The following LIG1 variants were observed in gnomAD, a reference collection of about 807,000 sequenced individuals.
LIG1 encodes DNA ligase 1.
Under a neutral mutation model 115.7 loss-of-function variants are expected in LIG1, and 70 were observed. The observed-to-expected ratio is 0.60, with a 90% CI of 0.50 to 0.74. LIG1 has a LOEUF of 0.74. Ranked by LOEUF, LIG1 falls within the 30% of genes least tolerant of loss-of-function variation. The pLI is 0.00. For synonymous variants in LIG1, 487 were observed against 495.3 expected, an observed-to-expected ratio of 0.98 and a Z score of 0.22; for missense variants, 1,115 against 1,225.6, an observed-to-expected ratio of 0.91 and a Z score of 1.35.
rs541963020 is a variant in LIG1 at position 48,122,715 on chromosome 19, G to A, written c.2232+219C>T. 2.0e-5 allele frequency among the ~76,000 whole-genome samples: 3 copies of A among 152,282 alleles called. No homozygotes were observed. The highest frequency in any genetic ancestry group is 1.9e-4 in the East Asian group (1 of 5,172). ...TCACGCTGCACCTCGTGGGATGTGC[G>A]GTGCTTGGGCTGGGGCTGTTCTCCA... On this transcript the variant is annotated intron_variant, in intron 23 of 27. Coordinates refer to ENST00000263274, the MANE Select transcript of LIG1 (RefSeq NM_000234.3). The surrounding 1 kb of genome is among the most constrained non-coding windows in gnomAD (Gnocchi z 4.3).
At chr19:48,125,037 G>A (rs1379971960) in intron 21 of LIG1, among the ~76,000 whole-genome samples, 1 of 151,350 alleles carries the variant, frequency 6.6e-6, no homozygotes, top group Non-Finnish European at 1.5e-5. Flanking sequence ...TCATGGGGAT[G>A]AGGACACATT....
At chr19:48,167,900 G>A (rs2036568902) in intron 1 of LIG1, among the ~76,000 whole-genome samples, 1 of 151,178 alleles carries the variant, frequency 6.6e-6, no homozygotes, top group African/African-American at 2.4e-5. Flanking sequence ...CTCAGGGCCA[G>A]TTGGGGAGCA....
In LIG1 at chr19:48,150,226, T is replaced by G; in HGVS notation, c.575-16A>C. On this transcript the variant is annotated splice_polypyrimidine_tract_variant and intron_variant, in intron 7 of 27. Transcript: ENST00000263274. ...GTCTCTGCTTCTGCGGTGAGAGAGC[T>G]CAGACGGTGATGCAAACTCTTTGAC... is the stretch of plus-strand genomic sequence containing the variant. 1 of 1,614,080 alleles carries G rather than the reference T, an allele frequency of 6.2e-7. No individual in the cohort carries two copies. Among genetic ancestry groups the G allele is most frequent in the African/African-American group, 1.3e-5 (1 of 75,034 alleles).
intron 27 of LIG1, 23 bp downstream of exon 27, chr19:48,115,850 A>G: frequency 6.2e-6 from 10 of 1,606,156 alleles, no homozygotes; most frequent in Non-Finnish European, 8.5e-6. Flanking sequence ...TGGGCGGCCC[A>G]CCCCTGCTTC....
chr19:48,165,493 A>AGAAAGAAACAGAGGACTTGGAGAAG, intron 2 of LIG1, 57 bp downstream of exon 2: 1 of 1,286,414 alleles, frequency 7.8e-7, no homozygotes, highest in Non-Finnish European at 1.1e-6. Context: ...ACAGATTTAG[A>AGAAAGAAACAGAGGACTTGGAGAAG]GAAAGAAACA....
chr19:48,139,593 C>A (rs948665961), intron 12 of LIG1, among the ~76,000 whole-genome samples: 1 of 152,190 alleles, frequency 6.6e-6, no homozygotes, highest in African/African-American at 2.4e-5. Flanking sequence ...TGGCCCCCCA[C>A]ACACCATGTT....
rs368455019 is a variant in LIG1 at position 48,122,925 on chromosome 19, G to A, written c.2232+9C>T. 27 of 1,613,304 alleles carry A rather than the reference G, an allele frequency of 1.7e-5. No individual in the cohort carries two copies. The East Asian group carries it at 2.2e-4, about 13-fold the overall frequency. On this transcript the variant is annotated intron_variant, in intron 23 of 27. Transcript: ENST00000263274. This position sits in a 1 kb window ranked among gnomAD's most constrained non-coding sequence, Gnocchi z 4.3. The stretch of plus-strand genomic sequence containing the variant: ...GGTGGAGAAGGCCCAGTTGGGGGTC[G>A]AGAATCACCTTGAGCCAGTTGTGCG...
chr19:48,123,610 G>GT, intron 21 of LIG1: 1 of 477,270 alleles, frequency 2.1e-6, no homozygotes, highest in East Asian at 4.0e-5. Flanking sequence ...CATCTCATCA[G>GT]TTTTGTTTTT....
chr19:48,143,632 T>C (rs1254403526), intron 10 of LIG1, 33 bp from the exon 11 acceptor site: 4 of 1,572,386 alleles, frequency 2.5e-6, no homozygotes, highest in Non-Finnish European at 1.7e-6. Context: ...AGAGTGACAG[T>C]GGTGCAGGCT....
intron 6 of LIG1, 65 bp from the exon 7 acceptor site, chr19:48,151,404 T>C (rs770062918): frequency 1.6e-5 from 16 of 979,362 alleles, no homozygotes; most frequent in African/African-American, 3.2e-5. Flanking sequence ...GCATTTTGAC[T>C]CTGGAGACAG....
intron 12 of LIG1, among the ~76,000 whole-genome samples, chr19:48,138,277 T>C (rs1407360657): frequency 6.6e-6 from 1 of 152,182 alleles, no homozygotes; most frequent in East Asian, 1.9e-4. Context: ...CACACCCTTG[T>C]CACCAGATAC....
chr19:48,141,196 G>A (rs1163820971), intron 11 of LIG1, among the ~76,000 whole-genome samples: 1 of 152,222 alleles, frequency 6.6e-6, no homozygotes, highest in African/African-American at 2.4e-5. Flanking sequence ...GTAGAGTGCA[G>A]TGGCACGATC....
At chr19:48,130,842 G>A (rs1229501499) in intron 19 of LIG1, among the ~76,000 whole-genome samples, 1 of 152,212 alleles carries the variant, frequency 6.6e-6, no homozygotes, top group Admixed American at 6.5e-5. Flanking sequence ...GCTTGGTTCA[G>A]GGGGACATCA....
intron 19 of LIG1, among the ~76,000 whole-genome samples, chr19:48,129,916 C>A (rs2033907791): frequency 1.3e-5 from 2 of 152,250 alleles, no homozygotes; most frequent in Admixed American, 1.3e-4. Context: ...CCACCACACC[C>A]AGCTAATTTT....
chr19:48,151,345 G>T lies in LIG1; in HGVS notation c.467-6C>A, dbSNP rs780649888. 5 of 1,563,134 alleles carry T rather than the reference G, an allele frequency of 3.2e-6. No homozygotes were observed. Among genetic ancestry groups the T allele is most frequent in the Non-Finnish European group, 4.4e-6 (5 of 1,133,568 alleles). ...TTCTTTCGGGGTCTCCTCTTCTGACGATAGACAGAACGGTCAGATGGCAAA... is the reference window on the plus strand; with the variant it reads ...TTCTTTCGGGGTCTCCTCTTCTGACTATAGACAGAACGGTCAGATGGCAAA... On this transcript the variant is annotated splice_polypyrimidine_tract_variant and splice_region_variant and intron_variant, in intron 6 of 27. Transcript: ENST00000263274.
In LIG1 at chr19:48,136,050, G is replaced by A. The variant is rs536132033; in HGVS notation, c.1407C>T (p.Leu469=). 2.6e-6 allele frequency: 4 copies of A among 1,567,432 alleles called. No individual in the cohort carries two copies. The highest frequency in any genetic ancestry group is 1.9e-5 in the Admixed American group (1 of 53,836). Residue 469 remains leucine (L), a synonymous_variant, in exon 15 of 28, where the codon CTC becomes CTT. Coordinates refer to ENST00000263274, the MANE Select transcript of LIG1 (RefSeq NM_000234.3). ...GGAGCTCACCTTGGCCCGGGGGCGT[G>A]AGGCTCACTGCCTGGGAGAGGGCAG... is the stretch of plus-strand genomic sequence containing the variant. The part of the protein sequence containing the change: ...VLAALSQAVS[L]TPPGQEFPPA...
At chr19:48,119,101 A>C in intron 25 of LIG1, 36 bp downstream of exon 25, 1 of 1,524,446 alleles carries the variant, frequency 6.6e-7, no homozygotes, top group Non-Finnish European at 8.9e-7. Context: ...CAGGGGGGAG[A>C]GGGGTGGAGG....
chr19:48,116,690 G>C (rs1276262324), intron 26 of LIG1, among the ~76,000 whole-genome samples: 1 of 152,144 alleles, frequency 6.6e-6, no homozygotes, highest in African/African-American at 2.4e-5. Flanking sequence ...GATTTTGAGA[G>C]GATTAAATGA....
In LIG1 at chr19:48,119,015, G is replaced by A. The variant is rs571092374; in HGVS notation, c.2439+122C>T. The A allele has an allele frequency of 5.4e-4, 413 of 762,404 alleles. 3 individuals carry two copies. The highest frequency in any genetic ancestry group is 4.0e-3 in the Middle Eastern group (11 of 2,752). 47.2% of individuals were successfully genotyped at this position (762,404 alleles called of 1,614,324 possible). A position where few individuals can be genotyped will look rare whatever the true frequency, so the allele number is the denominator to read the frequency against. ...TCCAAAGCCAGCTCCACTGCCTGCT[G>A]CCCTCCTGCCCACACCTGGAGCCCC... On this transcript the variant is annotated intron_variant, in intron 25 of 27. Coordinates refer to ENST00000263274, the MANE Select transcript of LIG1 (RefSeq NM_000234.3).
Sources: allele counts gnomAD v4.1 joint callset (sites outside exome capture counted in the v4.1 genomes callset), GRCh38; gene constraint gnomAD v4.1.1; non-coding constraint Gnocchi (gnomAD v3.1); transcripts MANE v1.5; gene names NCBI Gene and HGNC (gene_info 2026-07-23, HGNC 2026-07-21).